CFAP96: variants seen among roughly 807,000 people sequenced by gnomAD.
The protein encoded by CFAP96 is cilia and flagella associated protein 96.
the CFAP96 span, chr4:185,415,059 C>A: frequency 1.9e-6 from 2 of 1,079,412 alleles, no homozygotes; most frequent in Non-Finnish European, 2.6e-6. Flanking sequence ...TAAGTTAAAT[C>A]ACAAAATACC....
chr4:185,445,570 A>G, the CFAP96 span: 1 of 1,381,412 alleles, frequency 7.2e-7, no homozygotes, highest in Non-Finnish European at 1.0e-6. Context: ...ATTCTGGTTA[A>G]TTAAAAATGC....
chr4:185,436,299 C>A, the CFAP96 span: 1 of 1,550,790 alleles, frequency 6.4e-7, no homozygotes, highest in South Asian at 1.2e-5. Flanking sequence ...CAAATATTAC[C>A]ATAGGTAAAC....
the CFAP96 span, among the ~76,000 whole-genome samples, chr4:185,429,855 C>A: frequency 0.61 from 92,783 of 151,802 alleles, 31,487 homozygotes; most frequent in East Asian, 0.82. Flanking sequence ...TGGAGTAGGG[C>A]GGGGGAGCTC....
chr4:185,445,647 A>G, the CFAP96 span: 5 of 713,416 alleles, frequency 7.0e-6, no homozygotes, highest in South Asian at 2.0e-5. Context: ...AATTTTATCC[A>G]GGTTTTGCAT....
At chr4:185,439,893 TCA>T in the CFAP96 span, among the ~76,000 whole-genome samples, 7 of 146,852 alleles carry the variant, frequency 4.8e-5, no homozygotes, top group African/African-American at 1.5e-4. Context: ...TATACATATC[TCA>T]CATATACACA....
chr4:185,445,102 G>C, the CFAP96 span: 1 of 1,551,578 alleles, frequency 6.4e-7, no homozygotes, highest in Admixed American at 2.0e-5. Context: ...CAGACCAGTT[G>C]AAAGTATAAT....
At chr4:185,413,910 TTGG>T in the CFAP96 span, 5 of 1,546,410 alleles carry the variant, frequency 3.2e-6, no homozygotes, top group Non-Finnish European at 4.4e-6. Context: ...AGAAAAAATG[TTGG>T]TGATTTAGAT....
At chr4:185,432,916 A>G in the CFAP96 span, among the ~76,000 whole-genome samples, 1 of 151,494 alleles carries the variant, frequency 6.6e-6, no homozygotes. Flanking sequence ...TTTGAGACAG[A>G]GTCTTGCTCT....
the CFAP96 span, chr4:185,413,886 G>A: frequency 2.6e-6 from 4 of 1,566,300 alleles, no homozygotes; most frequent in Admixed American, 2.0e-5. Flanking sequence ...AAATAAATCA[G>A]AATCAACAGA....
chr4:185,418,728 A>ATGAC, the CFAP96 span: 1 of 1,612,466 alleles, frequency 6.2e-7, no homozygotes, highest in Non-Finnish European at 8.5e-7. Flanking sequence ...CTTAGTTGAC[A>ATGAC]GGTCACTCAA....
chr4:185,433,801 C>T, the CFAP96 span, among the ~76,000 whole-genome samples: 1 of 152,102 alleles, frequency 6.6e-6, no homozygotes, highest in Non-Finnish European at 1.5e-5. Flanking sequence ...ACTCGGGAGG[C>T]TGAGGCAGGA....
chr4:185,415,372 AT>A, the CFAP96 span: 9 of 1,528,898 alleles, frequency 5.9e-6, no homozygotes, highest in Non-Finnish European at 7.9e-6. Context: ...ATATAAGTGT[AT>A]TAACAAAAGT....
the CFAP96 span, among the ~76,000 whole-genome samples, chr4:185,441,568 C>G: frequency 6.6e-6 from 1 of 151,654 alleles, no homozygotes; most frequent in Non-Finnish European, 1.5e-5. Flanking sequence ...CGGAGTGGCT[C>G]TCTTTACCAC....
the CFAP96 span, chr4:185,432,077 T>G: frequency 2.6e-6 from 4 of 1,551,678 alleles, no homozygotes; most frequent in Non-Finnish European, 3.5e-6. Flanking sequence ...TGATCCCCAT[T>G]TTGTAAGGAT....
At chr4:185,428,086 CAAAA>C in the CFAP96 span, among the ~76,000 whole-genome samples, 3 of 141,318 alleles carry the variant, frequency 2.1e-5, no homozygotes, top group African/African-American at 2.6e-5. Flanking sequence ...AACTCTGTCT[CAAAA>C]AAAAAAAAAA....
chr4:185,435,340 G>A, the CFAP96 span, among the ~76,000 whole-genome samples: 2 of 152,158 alleles, frequency 1.3e-5, no homozygotes, highest in Admixed American at 6.5e-5. Context: ...AGTTTTGATA[G>A]TAATAAGGTT....
the CFAP96 span, among the ~76,000 whole-genome samples, chr4:185,448,540 A>T: frequency 7.1e-4 from 108 of 152,304 alleles, 1 homozygote; most frequent in African/African-American, 2.6e-3. Flanking sequence ...ATGTCACTGA[A>T]CCACGATTCC....
chr4:185,442,064 T>A, the CFAP96 span, among the ~76,000 whole-genome samples: 1 of 152,122 alleles, frequency 6.6e-6, no homozygotes, highest in African/African-American at 2.4e-5. Flanking sequence ...TTTCTGAGTT[T>A]TCATTCCATT....
chr4:185,445,482 C>T, the CFAP96 span: 1 of 1,547,696 alleles, frequency 6.5e-7, no homozygotes, highest in African/African-American at 1.4e-5. Flanking sequence ...AAGGGAGTTT[C>T]TTAGCAATCT....
Sources: gnomAD v4.1 joint callset for allele counts (sites outside exome capture counted in the v4.1 genomes callset) on GRCh38, gnomAD v4.1.1 for gene constraint, MANE v1.5 for transcripts, NCBI Gene and HGNC (gene_info 2026-07-23, HGNC 2026-07-21) for gene names.